Variants in NSUN7 observed in about 807,000 individuals in gnomAD.
NSUN7 encodes protein NSUN7.
Under a neutral mutation model 58.5 loss-of-function variants are expected in NSUN7, and 39 were observed. The observed-to-expected ratio is 0.67, with a 90% confidence interval of 0.52 to 0.87. The LOEUF (loss-of-function observed/expected upper bound fraction) is 0.87, where lower values mean the gene tolerates loss of function less well. Ranked by LOEUF, NSUN7 falls within the 40% of genes least tolerant of loss-of-function variation. NSUN7 has a pLI of 0.00. For missense variants in NSUN7, 765 were observed against 844.1 expected (o/e 0.91, Z 1.16); for synonymous variants, 278 against 303.7 (o/e 0.92, Z 0.88).
At chr4:40,761,091 A>G in intron 3 of NSUN7, 80 bp from the exon 4 acceptor site, 1 of 1,108,062 alleles carries the variant, frequency 9.0e-7, no homozygotes, top group Non-Finnish European at 1.3e-6. Flanking sequence ...ATGAAAAATA[A>G]TGGAATGGAA....
At chr4:40,786,367 T>G in intron 7 of NSUN7, 1 of 1,612,034 alleles carries the variant, frequency 6.2e-7, no homozygotes, top group Non-Finnish European at 8.5e-7. Context: ...AAGGCCACTG[T>G]GGAAGTCATA....
At chr4:40,794,288 AAATG>A (rs1289621156) in intron 8 of NSUN7, 83 bp from the exon 9 acceptor site, 1 of 601,712 alleles carries the variant, frequency 1.7e-6, no homozygotes, top group African/African-American at 1.9e-5. Flanking sequence ...TTGGTAGGCA[AAATG>A]ATTGAAAAAT....
At chr4:40,804,034 AC>A (rs1381389940) in intron 10 of NSUN7, among the ~76,000 whole-genome samples, 3 of 152,072 alleles carry the variant, frequency 2.0e-5, no homozygotes, top group Non-Finnish European at 4.4e-5. Flanking sequence ...AAAATAGAAA[AC>A]CCACTAATCA....
intron 7 of NSUN7, among the ~76,000 whole-genome samples, chr4:40,777,332 A>AAT (rs1046981236): frequency 2.3e-4 from 35 of 151,678 alleles, no homozygotes; most frequent in Non-Finnish European, 2.4e-4. Context: ...ATTTTTTTAA[A>AAT]TTTTTTTTTA....
intron 4 of NSUN7, among the ~76,000 whole-genome samples, chr4:40,769,806 A>G (rs2154287332): frequency 6.6e-6 from 1 of 152,122 alleles, no homozygotes; most frequent in Middle Eastern, 3.4e-3. Flanking sequence ...TTCTTCAGAA[A>G]CTCTTCACCT....
At chr4:40,799,336 C>G (rs1414681276) in intron 10 of NSUN7, among the ~76,000 whole-genome samples, 1 of 151,686 alleles carries the variant, frequency 6.6e-6, no homozygotes, top group Non-Finnish European at 1.5e-5. Context: ...ATCCACCTGC[C>G]TTGGCCTCCC....
rs1560563917 is a variant in NSUN7, at chr4:40,799,087, T to TTTTG, written c.1400+186_1400+187insGTTT. Among the ~76,000 whole-genome samples, 45 of 140,454 alleles carry TTTTG rather than the reference T, an allele frequency of 3.2e-4. 1 individual carries two copies. The highest frequency in any genetic ancestry group is 8.0e-4 in the African/African-American group (30 of 37,442). 92.1% of individuals were successfully genotyped at this position (140,454 alleles called of 152,430 possible). Reference sequence around the variant, plus strand: ...AGGGCCTTTTTCTTTTTTTTTTTTTTTTTTTTTTTTTTTTTAAAGATGGAA... The same window carrying TTTTG: ...AGGGCCTTTTTCTTTTTTTTTTTTTTTTTGTTTTTTTTTTTTTTTAAAGATGGAA... On this transcript the variant is annotated intron_variant, in intron 10 of 11. Coordinates refer to ENST00000381782, the MANE Select transcript of NSUN7 (RefSeq NM_024677.6).
At chr4:40,778,473 TCATG>T (rs1742373851) in intron 7 of NSUN7, among the ~76,000 whole-genome samples, 1 of 152,324 alleles carries the variant, frequency 6.6e-6, no homozygotes, top group African/African-American at 2.4e-5. Flanking sequence ...GGCAGAGCCC[TCATG>T]AATGGGATTA....
intron 4 of NSUN7, among the ~76,000 whole-genome samples, chr4:40,772,036 T>C (rs1304584984): frequency 1.3e-5 from 2 of 152,028 alleles, no homozygotes; most frequent in African/African-American, 4.8e-5. Flanking sequence ...GATTTGATCT[T>C]TGCCCTAAGT....
chr4:40,786,380 C>T, intron 7 of NSUN7: 1 of 1,611,984 alleles, frequency 6.2e-7, no homozygotes, highest in South Asian at 1.1e-5. Flanking sequence ...AAGTCATATA[C>T]CAGATGCACA....
chr4:40,780,775 A>C (rs1742495643), intron 7 of NSUN7, among the ~76,000 whole-genome samples: 1 of 68,032 alleles, frequency 1.5e-5, no homozygotes, highest in Non-Finnish European at 3.0e-5. Flanking sequence ...ACACACACAC[A>C]CACACACACA....
At chr4:40,808,190 ATTTC>A (rs1197257028) in intron 11 of NSUN7, 113 bp from the exon 12 acceptor site, 2 of 1,178,464 alleles carry the variant, frequency 1.7e-6, no homozygotes, top group African/African-American at 3.1e-5. Context: ...ACTATTTCTT[ATTTC>A]TTTTAGTATA....
intron 9 of NSUN7, among the ~76,000 whole-genome samples, chr4:40,795,791 G>A (rs1362796033): frequency 2.0e-5 from 3 of 152,128 alleles, no homozygotes; most frequent in African/African-American, 7.2e-5. Flanking sequence ...ATCTGTCATG[G>A]GATTAGAGTA....
chr4:40,761,124 T>G, intron 3 of NSUN7, 47 bp from the exon 4 acceptor site: 1 of 1,423,130 alleles, frequency 7.0e-7, no homozygotes, highest in Non-Finnish European at 9.6e-7. Flanking sequence ...TATTGCTGGT[T>G]AGATATTGTT....
At chr4:40,803,403 A>T (rs1264597368) in intron 10 of NSUN7, among the ~76,000 whole-genome samples, 1 of 152,164 alleles carries the variant, frequency 6.6e-6, no homozygotes, top group Non-Finnish European at 1.5e-5. Flanking sequence ...AGTCCCACCG[A>T]CAGTGTTAAA....
At chr4:40,777,417 T>G (rs1742322157) in intron 7 of NSUN7, among the ~76,000 whole-genome samples, 1 of 152,170 alleles carries the variant, frequency 6.6e-6, no homozygotes, top group Non-Finnish European at 1.5e-5. Flanking sequence ...CACTGCAACC[T>G]CTGCCCCCCG....
At chr4:40,764,146 A>G (rs1239885327) in intron 4 of NSUN7, among the ~76,000 whole-genome samples, 1 of 151,424 alleles carries the variant, frequency 6.6e-6, no homozygotes, top group East Asian at 1.9e-4. Context: ...TTACATATGT[A>G]TACATGTGCC....
intron 7 of NSUN7, among the ~76,000 whole-genome samples, chr4:40,790,395 G>C (rs1743024350): frequency 1.3e-5 from 2 of 152,100 alleles, no homozygotes; most frequent in African/African-American, 2.4e-5. Context: ...CATCATTTCA[G>C]GTGAAGGAGA....
chr4:40,776,041 T>C lies in NSUN7; in HGVS notation c.826-8T>C, dbSNP rs1742244403. On this transcript the variant is annotated splice_region_variant and splice_polypyrimidine_tract_variant and intron_variant, in intron 6 of 11. Coordinates refer to ENST00000381782, the MANE Select transcript of NSUN7 (RefSeq NM_024677.6). ...CTTTGAAATTCTAATCATACCATTA[T>C]CTTACAGGACAAATCTCGAAGTCTT... 2 of 1,558,658 alleles carry C rather than the reference T, an allele frequency of 1.3e-6. No homozygotes were observed. The highest frequency in any genetic ancestry group is 1.8e-6 in the Non-Finnish European group (2 of 1,141,758).
Sources: allele counts gnomAD v4.1 joint callset (sites outside exome capture counted in the v4.1 genomes callset), GRCh38; gene constraint gnomAD v4.1.1; transcripts MANE v1.5; gene names NCBI Gene and HGNC (gene_info 2026-07-23, HGNC 2026-07-21).